Variants in SLC39A11 observed in about 807,000 individuals in gnomAD.
The protein encoded by SLC39A11 is solute carrier family 39 member 11, also known as zinc transporter ZIP11.
A neutral mutation model predicts 36.1 loss-of-function variants in SLC39A11; 33 were observed. The observed-to-expected ratio is 0.91, with a 90% CI of 0.69 to 1.22. SLC39A11 has a LOEUF of 1.22. Ranked by LOEUF, SLC39A11 falls within the 50% of genes most tolerant of loss-of-function variation. The pLI is 0.00. For missense variants in SLC39A11, 432 were observed against 430.3 expected (o/e 1.00, Z -0.03); for synonymous variants, 166 against 170.3 (o/e 0.97, Z 0.20).
intron 4 of SLC39A11, among the ~76,000 whole-genome samples, chr17:72,950,321 C>A (rs1041754774): frequency 6.6e-6 from 1 of 152,212 alleles, no homozygotes; most frequent in East Asian, 1.9e-4. Flanking sequence ...CCTCTTCTGT[C>A]ACATAAAGGC....
In SLC39A11 at chr17:72,872,875, C is replaced by T. The variant is rs544421813; in HGVS notation, c.431-23071G>A. Among the ~76,000 whole-genome samples the T allele has an allele frequency of 1.1e-4, 17 of 151,762 alleles. No homozygotes were observed. In the East Asian group the frequency reaches 2.5e-3, roughly 23 times the overall value. On this transcript the variant is annotated intron_variant, in intron 5 of 9. Transcript: ENST00000255559. Reference sequence around the variant, plus strand: ...ATCGAGACCACCCTGGCTAACATGGCGAAACCCTGTCTCTACTAAAATACA... The same window carrying T: ...ATCGAGACCACCCTGGCTAACATGGTGAAACCCTGTCTCTACTAAAATACA...
chr17:72,712,232 C>T (rs1411429658), intron 7 of SLC39A11, among the ~76,000 whole-genome samples: 1 of 152,212 alleles, frequency 6.6e-6, no homozygotes, highest in Non-Finnish European at 1.5e-5. Flanking sequence ...GCTCCAAAGA[C>T]ATGTGACATA....
intron 3 of SLC39A11, among the ~76,000 whole-genome samples, chr17:73,041,822 G>A (rs893664893): frequency 6.6e-6 from 1 of 152,212 alleles, no homozygotes; most frequent in Admixed American, 6.5e-5. Context: ...AAAATCACCA[G>A]ATATTTACAA....
intron 4 of SLC39A11, among the ~76,000 whole-genome samples, chr17:72,955,459 C>A (rs1276121609): frequency 7.3e-6 from 1 of 136,458 alleles, no homozygotes; most frequent in Admixed American, 8.2e-5. Context: ...CGCAACACCA[C>A]GTCTGGCTAA....
intron 6 of SLC39A11, among the ~76,000 whole-genome samples, chr17:72,793,618 T>TG (rs2076791091): frequency 6.6e-6 from 1 of 152,064 alleles, no homozygotes; most frequent in African/African-American, 2.4e-5. Flanking sequence ...AACACAGAGA[T>TG]GGGGTCTCGC....
At chr17:72,919,879 C>T (rs1009261972) in intron 5 of SLC39A11, among the ~76,000 whole-genome samples, 26 of 152,038 alleles carry the variant, frequency 1.7e-4, no homozygotes, top group South Asian at 6.2e-4. Context: ...TTCGGAGAGC[C>T]GGGTGGACAA....
chr17:72,876,706 C>A (rs2080915589), intron 5 of SLC39A11, among the ~76,000 whole-genome samples: 1 of 152,194 alleles, frequency 6.6e-6, no homozygotes, highest in South Asian at 2.1e-4. Context: ...TCCCTAATTC[C>A]TGTTTCCCCA....
At position 72,924,622 on chromosome 17, in the gene SLC39A11, C is replaced by T. The variant is rs76509878; in HGVS notation, c.430+23130G>A. 5.5e-3 allele frequency among the ~76,000 whole-genome samples: 838 copies of T among 152,104 alleles called. 52 individuals are homozygous for T. In the East Asian group the frequency reaches 0.13, roughly 23 times the overall value. On this transcript the variant is annotated intron_variant, in intron 5 of 9. Coordinates refer to ENST00000255559, the MANE Select transcript of SLC39A11 (RefSeq NM_139177.4). ...AGTAGCCTGAGAAAGCTACCAAGTCCCCAATGAAGATATATTCTCTAATAC... is the reference window on the plus strand; with the variant it reads ...AGTAGCCTGAGAAAGCTACCAAGTCTCCAATGAAGATATATTCTCTAATAC...
chr17:73,000,250 T>C (rs1276232573), intron 4 of SLC39A11, among the ~76,000 whole-genome samples: 1 of 146,294 alleles, frequency 6.8e-6, no homozygotes, highest in East Asian at 2.1e-4. Flanking sequence ...TTCTTCTCCT[T>C]CTCCCTCTCC....
chr17:72,902,910 G>GT (rs1160830894), intron 5 of SLC39A11, among the ~76,000 whole-genome samples: 13 of 151,076 alleles, frequency 8.6e-5, no homozygotes, highest in South Asian at 2.1e-4. Flanking sequence ...GAATTATTTT[G>GT]TTTTTTGTTC....
chr17:72,872,986 G>A (rs558415538), intron 5 of SLC39A11, among the ~76,000 whole-genome samples: 7 of 151,190 alleles, frequency 4.6e-5, no homozygotes, highest in Admixed American at 6.6e-5. Flanking sequence ...CCCGGGAGGC[G>A]GAGCTTGCAG....
chr17:72,671,473 C>A (rs1414378073), intron 7 of SLC39A11, among the ~76,000 whole-genome samples: 3 of 152,216 alleles, frequency 2.0e-5, no homozygotes, highest in Non-Finnish European at 4.4e-5. Context: ...GTAATCCCAG[C>A]ACTTTGGGAG....
chr17:73,019,153 C>T (rs139813611), intron 4 of SLC39A11, among the ~76,000 whole-genome samples: 1 of 152,152 alleles, frequency 6.6e-6, no homozygotes, highest in African/African-American at 2.4e-5. Flanking sequence ...GAATTTGTCA[C>T]TAGCAGGCCT....
At chr17:72,928,234 AGAGACCAAGTT>A (rs1283212124) in intron 5 of SLC39A11, among the ~76,000 whole-genome samples, 1 of 152,248 alleles carries the variant, frequency 6.6e-6, no homozygotes, top group Non-Finnish European at 1.5e-5. Flanking sequence ...TAGTGAAGGC[AGAGACCAAGTT>A]CACTAATTGG....
At chr17:72,796,917 C>T (rs1326291987) in intron 6 of SLC39A11, among the ~76,000 whole-genome samples, 2 of 152,166 alleles carry the variant, frequency 1.3e-5, no homozygotes, top group East Asian at 1.9e-4. Context: ...AAATGATGAC[C>T]GAGAATGCAA....
chr17:72,890,354 T>A (rs1408583130), intron 5 of SLC39A11, among the ~76,000 whole-genome samples: 1 of 150,996 alleles, frequency 6.6e-6, no homozygotes, highest in Non-Finnish European at 1.5e-5. Context: ...CAGCAAGTTA[T>A]AACTAGGGAT....
intron 3 of SLC39A11, among the ~76,000 whole-genome samples, chr17:73,057,695 T>TG (rs1309681916): frequency 3.3e-5 from 5 of 152,290 alleles, no homozygotes; most frequent in South Asian, 2.1e-4. Flanking sequence ...CCTAGCACTT[T>TG]GGGAGGCCGA....
At chr17:72,686,683 G>A (rs1016397655) in intron 7 of SLC39A11, among the ~76,000 whole-genome samples, 3 of 152,208 alleles carry the variant, frequency 2.0e-5, no homozygotes, top group South Asian at 2.1e-4. Flanking sequence ...TAGCCTCAGC[G>A]TGTGCTCCAC....
chr17:72,855,676 C>A (rs1440184137), intron 5 of SLC39A11, among the ~76,000 whole-genome samples: 1 of 152,194 alleles, frequency 6.6e-6, no homozygotes, highest in South Asian at 2.1e-4. Flanking sequence ...GTGGGCAGAT[C>A]ACAAGGTCAG....
Sources: gnomAD v4.1 joint callset for allele counts (sites outside exome capture counted in the v4.1 genomes callset) on GRCh38, gnomAD v4.1.1 for gene constraint, MANE v1.5 for transcripts, NCBI Gene and HGNC (gene_info 2026-07-23, HGNC 2026-07-21) for gene names.